The following EML4 variants were observed in gnomAD, a reference collection of about 807,000 sequenced individuals.
EML4 encodes the protein EMAP like 4.
EML4 carries 72 observed loss-of-function variants against 129.0 expected under a neutral mutation model. The ratio of observed to expected loss-of-function variants is 0.56; its 90% CI spans 0.46 to 0.68. EML4 has a LOEUF of 0.68. Among genes scored for constraint, EML4 ranks in the 30% least tolerant of loss-of-function variants. The pLI, the probability that EML4 is intolerant of heterozygous loss-of-function variation, is 0.00. For missense variants in EML4, 1,363 were observed against 1,190.6 expected (o/e 1.14, Z -2.13); for synonymous variants, 532 against 405.0 (o/e 1.31, Z -3.77).
chr2:42,230,202 T>G (rs1269685693), intron 1 of EML4, among the ~76,000 whole-genome samples: 1 of 152,140 alleles, frequency 6.6e-6, no homozygotes, highest in African/African-American at 2.4e-5. Context: ...TCAACCACTG[T>G]TTGGAGAGTT....
chr2:42,239,321 T>C (rs892030015), intron 1 of EML4, among the ~76,000 whole-genome samples: 1 of 152,226 alleles, frequency 6.6e-6, no homozygotes, highest in African/African-American at 2.4e-5. Flanking sequence ...TGGATATTTA[T>C]AATGAAACAC....
intron 1 of EML4, among the ~76,000 whole-genome samples, chr2:42,175,741 C>T (rs1670563685): frequency 6.6e-6 from 1 of 152,124 alleles, no homozygotes; most frequent in Non-Finnish European, 1.5e-5. Context: ...TCAAGTGATC[C>T]ATCCACCTCA....
intron 7 of EML4, among the ~76,000 whole-genome samples, chr2:42,281,742 C>CT (rs913614916): frequency 2.0e-5 from 3 of 152,074 alleles, no homozygotes; most frequent in African/African-American, 7.2e-5. Flanking sequence ...TTCAGCCAGA[C>CT]TTTTTTTTAA....
chr2:42,248,641 C>T (rs1675568633), intron 2 of EML4, among the ~76,000 whole-genome samples: 1 of 152,002 alleles, frequency 6.6e-6, no homozygotes, highest in Admixed American at 6.6e-5. Context: ...TTTTTCTTTT[C>T]ACATAACACT....
chr2:42,169,580 C>T lies in EML4; in HGVS notation c.-32C>T, dbSNP rs377169091. 5.0e-5 allele frequency: 80 copies of T among 1,597,892 alleles called. No individual in the cohort carries two copies. Among genetic ancestry groups the T allele is most frequent in the Middle Eastern group, 3.3e-4 (2 of 6,038 alleles). ...TCCGCTGAATGAAGTGCCCGCCCCT[C>T]TAAGCCCGGAGCCCGGCGCTTTCCC... On this transcript the variant is annotated 5_prime_UTR_variant, in exon 1 of 23. Transcript: ENST00000318522.
rs1431258561 is a variant in EML4, at chr2:42,301,356, G to A, written c.1605G>A (p.Leu535=). 1.9e-6 allele frequency: 3 copies of A among 1,613,002 alleles called. No homozygotes were observed. Among genetic ancestry groups the A allele is most frequent in the Non-Finnish European group, 2.5e-6 (3 of 1,179,548 alleles). Residue 535 remains leucine, a synonymous_variant, in exon 14 of 23, where the codon CTG becomes CTA. Transcript: ENST00000318522. ...TGGGKDRKII[L]WDHDLNPERE... is the part of the protein sequence containing the mutation. Reference sequence around the variant, plus strand: ...GAGGGAAAGACAGAAAAATAATTCTGTGGGATCATGATCTGAATCCTGAAA... The same window carrying A: ...GAGGGAAAGACAGAAAAATAATTCTATGGGATCATGATCTGAATCCTGAAA...
intron 21 of EML4, among the ~76,000 whole-genome samples, chr2:42,327,150 T>C (rs1669853525): frequency 6.6e-6 from 1 of 152,228 alleles, no homozygotes; most frequent in African/African-American, 2.4e-5. Context: ...TTTCAAGGTT[T>C]ATCCACGTTG....
At chr2:42,249,255 T>C (rs1043827998) in intron 2 of EML4, among the ~76,000 whole-genome samples, 1 of 150,978 alleles carries the variant, frequency 6.6e-6, no homozygotes, top group Non-Finnish European at 1.5e-5. Flanking sequence ...AATTAAAAAG[T>C]AAAGTCATTT....
chr2:42,288,350 GT>G, intron 11 of EML4, 28 bp downstream of exon 11: 1 of 1,131,556 alleles, frequency 8.8e-7, no homozygotes, highest in African/African-American at 1.5e-5. Flanking sequence ...CGAGTATTGT[GT>G]TTTAGAGTAC....
At position 42,317,555 on chromosome 2, in the gene EML4, T is replaced by C. The variant is rs765353009; in HGVS notation, c.2154+31T>C. 25 of 1,500,524 alleles carry C rather than the reference T, an allele frequency of 1.7e-5. No individual in the cohort carries two copies. In the South Asian group the frequency reaches 3.0e-4, roughly 18 times the overall value. The allele number at this position is 1,500,524 out of a possible 1,614,324, so 93.0% of individuals were successfully genotyped here. On this transcript the variant is annotated intron_variant, in intron 19 of 22. Coordinates refer to ENST00000318522, the MANE Select transcript of EML4 (RefSeq NM_019063.5). The stretch of plus-strand genomic sequence containing the variant: ...TAGTGAAGTAGAACAAGTTGTAAAA[T>C]TATTGGGAAATTTTACTTCCGTTAA...
At chr2:42,326,821 G>A (rs182694386) in intron 21 of EML4, among the ~76,000 whole-genome samples, 55 of 152,314 alleles carry the variant, frequency 3.6e-4, no homozygotes, top group African/African-American at 1.3e-3. Context: ...GGCAGAGGCT[G>A]CAGTGAGCTG....
chr2:42,252,342 CATT>C (rs1289164955), intron 2 of EML4, among the ~76,000 whole-genome samples: 1 of 152,184 alleles, frequency 6.6e-6, no homozygotes, highest in Non-Finnish European at 1.5e-5. Context: ...TTCATCCTGG[CATT>C]ATGATGGTTT....
At chr2:42,286,785 A>G (rs1339296040) in intron 10 of EML4, among the ~76,000 whole-genome samples, 3 of 152,232 alleles carry the variant, frequency 2.0e-5, no homozygotes, top group East Asian at 1.9e-4. Context: ...GTTCTGTACA[A>G]ATATTGGCTT....
At chr2:42,285,780 A>G (rs1667271210) in intron 9 of EML4, 1 of 157,252 alleles carries the variant, frequency 6.4e-6, no homozygotes, top group South Asian at 1.9e-4. Flanking sequence ...TTATATTTTT[A>G]ATAGAGATGG....
chr2:42,290,343 T>C (rs892559223), intron 11 of EML4, among the ~76,000 whole-genome samples: 5 of 152,132 alleles, frequency 3.3e-5, no homozygotes, highest in Non-Finnish European at 7.4e-5. Flanking sequence ...TTTTAATTTA[T>C]GTAAATTTAA....
intron 6 of EML4, among the ~76,000 whole-genome samples, chr2:42,278,579 A>G (rs868823684): frequency 3.4e-4 from 45 of 133,434 alleles, no homozygotes; most frequent in African/African-American, 1.2e-3. Context: ...ATCTCAAAAA[A>G]AAAAAAAAAA....
intron 1 of EML4, among the ~76,000 whole-genome samples, chr2:42,176,598 A>G (rs1042817163): frequency 6.6e-6 from 1 of 152,084 alleles, no homozygotes; most frequent in Non-Finnish European, 1.5e-5. Flanking sequence ...GCTCAACTCA[A>G]ATATTATTTC....
At chr2:42,227,406 C>T (rs762362278) in intron 1 of EML4, among the ~76,000 whole-genome samples, 2 of 151,974 alleles carry the variant, frequency 1.3e-5, no homozygotes, top group African/African-American at 2.4e-5. Context: ...TGTGCCCAGC[C>T]TCCATTCTTA....
At position 42,317,501 on chromosome 2, in the gene EML4, T is replaced by C; in HGVS notation, c.2131T>C (p.Tyr711His). The part of the protein sequence containing the change: ...LYVVSENGRK[Y>H]SRYGRCTGHS... ...TGTAGTCTCTGAAAATGGAAGAAAA[T>C]ATAGCAGATATGGAAGGTGCACTGT... Residue 711 changes from tyrosine (Y) to histidine (H), a missense_variant, in exon 19 of 23, where the codon TAT (tyrosine) becomes CAT (histidine). Coordinates refer to ENST00000318522, the MANE Select transcript of EML4 (RefSeq NM_019063.5). The C allele has an allele frequency of 6.2e-7, 1 of 1,610,592 alleles. No individual in the cohort carries two copies. Among genetic ancestry groups the C allele is most frequent in the Non-Finnish European group, 8.5e-7 (1 of 1,177,664 alleles).
Sources: allele counts gnomAD v4.1 joint callset (sites outside exome capture counted in the v4.1 genomes callset), GRCh38; gene constraint gnomAD v4.1.1; transcripts MANE v1.5; gene names NCBI Gene and HGNC (gene_info 2026-07-23, HGNC 2026-07-21).